The following ATRNL1 variants were observed in gnomAD, a reference collection of about 807,000 sequenced individuals.
The protein encoded by ATRNL1 is attractin-like protein 1.
Under a neutral mutation model 182.7 loss-of-function variants are expected in ATRNL1, and 95 were observed. The ratio of observed to expected loss-of-function variants is 0.52; its 90% CI spans 0.44 to 0.62. The LOEUF (loss-of-function observed/expected upper bound fraction) is 0.62. Among genes scored for constraint, ATRNL1 ranks in the 20% least tolerant of loss-of-function variants. ATRNL1 has a pLI of 0.00. For missense variants in ATRNL1, 1,471 were observed against 1,679.5 expected, an observed-to-expected ratio of 0.88 and a Z score of 2.17; for synonymous variants, 576 against 568.3, an observed-to-expected ratio of 1.01 and a Z score of -0.19.
intron 15 of ATRNL1, among the ~76,000 whole-genome samples, chr10:115,292,467 A>G (rs1221440395): frequency 1.1e-4 from 17 of 150,500 alleles, no homozygotes; most frequent in African/African-American, 3.9e-4. Flanking sequence ...ATTTGAAATC[A>G]TTCTGTTTGT....
intron 21 of ATRNL1, among the ~76,000 whole-genome samples, chr10:115,456,821 C>T (rs1592685328): frequency 1.3e-5 from 2 of 152,184 alleles, no homozygotes; most frequent in East Asian, 1.9e-4. Context: ...TGATCAGTCT[C>T]ACTTCAGATG....
intron 26 of ATRNL1, among the ~76,000 whole-genome samples, chr10:115,670,132 GTTAATGTC>G (rs782357880): frequency 6.6e-6 from 1 of 152,002 alleles, no homozygotes; most frequent in Non-Finnish European, 1.5e-5. Context: ...CACTGTACAT[GTTAATGTC>G]TCAATGCCTC....
chr10:115,909,291 G>A (rs1952598188), intron 28 of ATRNL1: 1 of 152,132 alleles, frequency 6.6e-6, no homozygotes, highest in East Asian at 1.9e-4. Context: ...ATCTCTGTAT[G>A]CGTCAGTTTC....
chr10:115,925,039 C>T (rs1208833102), intron 28 of ATRNL1, among the ~76,000 whole-genome samples: 2 of 152,088 alleles, frequency 1.3e-5, no homozygotes, highest in East Asian at 1.9e-4. Flanking sequence ...CATGATTTGG[C>T]CCCCTGCTTG....
chr10:115,524,677 G>A (rs1406251443), intron 25 of ATRNL1, among the ~76,000 whole-genome samples: 2 of 152,178 alleles, frequency 1.3e-5, no homozygotes, highest in Non-Finnish European at 1.5e-5. Context: ...GGGACACAGT[G>A]TAGAGGTTAT....
chr10:115,166,416 C>A (rs1419971664), intron 7 of ATRNL1, among the ~76,000 whole-genome samples: 1 of 151,230 alleles, frequency 6.6e-6, no homozygotes, highest in East Asian at 1.9e-4. Context: ...TGGTGTATAC[C>A]CAGAAGTGGA....
At chr10:115,266,768 C>CT in intron 11 of ATRNL1, 29 bp from the exon 12 acceptor site, 1 of 1,392,318 alleles carries the variant, frequency 7.2e-7, no homozygotes, top group Non-Finnish European at 9.9e-7. Context: ...AATAGCGTTT[C>CT]TTTAAGATTC....
intron 27 of ATRNL1, among the ~76,000 whole-genome samples, chr10:115,754,967 G>A (rs189528982): frequency 3.5e-4 from 54 of 152,208 alleles, no homozygotes; most frequent in African/African-American, 1.3e-3. Flanking sequence ...TTGGCTCTCT[G>A]TTTGTCTGTT....
At chr10:115,440,400 T>A (rs1175365699) in intron 21 of ATRNL1, among the ~76,000 whole-genome samples, 2 of 151,850 alleles carry the variant, frequency 1.3e-5, no homozygotes, top group South Asian at 2.1e-4. Flanking sequence ...TGCACTAGGG[T>A]ATAACAATGG....
chr10:115,420,039 ATTTTTTT>A (rs34280609), intron 20 of ATRNL1, among the ~76,000 whole-genome samples: 1 of 127,914 alleles, frequency 7.8e-6, no homozygotes, highest in South Asian at 2.5e-4. Flanking sequence ...TGTCTTAACA[ATTTTTTT>A]TTTTTTTTTT....
intron 21 of ATRNL1, among the ~76,000 whole-genome samples, chr10:115,451,774 G>T (rs1435943031): frequency 6.6e-6 from 1 of 152,060 alleles, no homozygotes; most frequent in Non-Finnish European, 1.5e-5. Flanking sequence ...ATACCCAGAG[G>T]AGTATAAATC....
chr10:115,273,364 T>G (rs887920926), intron 13 of ATRNL1, among the ~76,000 whole-genome samples: 1 of 152,222 alleles, frequency 6.6e-6, no homozygotes, highest in Non-Finnish European at 1.5e-5. Flanking sequence ...ACATTTACGC[T>G]GGATACAAGT....
chr10:115,383,497 T>C (rs1353934596), intron 19 of ATRNL1, among the ~76,000 whole-genome samples: 2 of 151,940 alleles, frequency 1.3e-5, no homozygotes, highest in African/African-American at 4.8e-5. Flanking sequence ...CTTGCAGACA[T>C]TTTCCCTTAC....
At chr10:115,372,729 A>G (rs976891786) in intron 19 of ATRNL1, among the ~76,000 whole-genome samples, 2 of 152,164 alleles carry the variant, frequency 1.3e-5, no homozygotes, top group African/African-American at 4.8e-5. Flanking sequence ...TTCATCAATC[A>G]TATGTCTGCT....
At chr10:115,575,937 C>T (rs1484889202) in intron 26 of ATRNL1, among the ~76,000 whole-genome samples, 1 of 151,980 alleles carries the variant, frequency 6.6e-6, no homozygotes, top group Non-Finnish European at 1.5e-5. Context: ...TGTTATTCTC[C>T]CTATTTGTAT....
At chr10:115,874,810 A>G (rs1472667492) in intron 28 of ATRNL1, among the ~76,000 whole-genome samples, 1 of 152,192 alleles carries the variant, frequency 6.6e-6, no homozygotes, top group African/African-American at 2.4e-5. Flanking sequence ...GTTGCTAAGA[A>G]AGATCGAAAA....
intron 19 of ATRNL1, among the ~76,000 whole-genome samples, chr10:115,344,590 T>C (rs892465094): frequency 6.6e-6 from 1 of 152,150 alleles, no homozygotes; most frequent in Non-Finnish European, 1.5e-5. Context: ...GTCCTAAAAT[T>C]GGGGATCCCA....
intron 9 of ATRNL1, among the ~76,000 whole-genome samples, chr10:115,228,513 T>A (rs1214910046): frequency 7.9e-5 from 12 of 152,330 alleles, no homozygotes; most frequent in Non-Finnish European, 1.6e-4. Context: ...TGGGAGCTTA[T>A]GTCTTCATTA....
chr10:115,723,532 T>C (rs890239212), intron 26 of ATRNL1, among the ~76,000 whole-genome samples: 1 of 76,928 alleles, frequency 1.3e-5, no homozygotes, highest in Non-Finnish European at 3.1e-5. Context: ...TTCTTTTCTT[T>C]TGTATTTATT....
Sources: allele counts gnomAD v4.1 joint callset (sites outside exome capture counted in the v4.1 genomes callset), GRCh38; gene constraint gnomAD v4.1.1; transcripts MANE v1.5; gene names NCBI Gene and HGNC (gene_info 2026-07-23, HGNC 2026-07-21).